The following FIGN variants were observed in gnomAD, a reference collection of about 807,000 sequenced individuals.
The protein encoded by FIGN is fidgetin.
A neutral mutation model predicts 51.3 loss-of-function variants in FIGN; 11 were observed. The observed-to-expected ratio is 0.21, with a 90% CI of 0.13 to 0.35. The LOEUF (loss-of-function observed/expected upper bound fraction) is 0.35. FIGN is among the 10% of genes least tolerant of loss of function. FIGN has a pLI of 1.00. For synonymous variants in FIGN, 407 were observed against 363.2 expected, an observed-to-expected ratio of 1.12 and a Z score of -1.37; for missense variants, 857 against 943.6, an observed-to-expected ratio of 0.91 and a Z score of 1.20.
At chr2:163,710,417 T>C (rs1684569150) in intron 2 of FIGN, among the ~76,000 whole-genome samples, 2 of 152,196 alleles carry the variant, frequency 1.3e-5, no homozygotes, top group South Asian at 4.1e-4. Flanking sequence ...TAAATGCCCT[T>C]CCTCCACAGC....
intron 2 of FIGN, among the ~76,000 whole-genome samples, chr2:163,714,447 G>T (rs1439206734): frequency 6.6e-6 from 1 of 152,122 alleles, no homozygotes; most frequent in Non-Finnish European, 1.5e-5. Context: ...CAAAAAAGAG[G>T]CAATGCAAAG....
At chr2:163,711,245 C>G (rs1284929957) in intron 2 of FIGN, among the ~76,000 whole-genome samples, 3 of 152,062 alleles carry the variant, frequency 2.0e-5, no homozygotes, top group African/African-American at 7.2e-5. Flanking sequence ...AAAATCAATA[C>G]CATTTGTCCA....
intron 2 of FIGN, among the ~76,000 whole-genome samples, chr2:163,718,631 GA>G (rs1684705955): frequency 1.3e-5 from 2 of 152,082 alleles, no homozygotes; most frequent in Non-Finnish European, 2.9e-5. Flanking sequence ...TCTCCCTGAT[GA>G]AAAATCCAGT....
At position 163,635,439 on chromosome 2, in the gene FIGN, G is replaced by A. The variant is rs1448413997; in HGVS notation, c.26-23633C>T. On this transcript the variant is annotated intron_variant, in intron 2 of 2. Coordinates refer to ENST00000333129, the MANE Select transcript of FIGN (RefSeq NM_018086.4). ...TTAAAAATTAGCCAGGTATGGTGGC[G>A]CATGCCTGCAGTCTCATTTATTCAA... 4.6e-5 allele frequency among the ~76,000 whole-genome samples: 7 copies of A among 152,080 alleles called. No homozygotes were observed. The South Asian group carries it at 6.2e-4, about 13-fold the overall frequency.
At chr2:163,694,186 G>A (rs1437405627) in intron 2 of FIGN, among the ~76,000 whole-genome samples, 1 of 152,206 alleles carries the variant, frequency 6.6e-6, no homozygotes. Flanking sequence ...ATGCTCACCA[G>A]AGACAACAGC....
intron 2 of FIGN, among the ~76,000 whole-genome samples, chr2:163,726,006 G>A (rs1684833196): frequency 6.6e-6 from 1 of 152,024 alleles, no homozygotes; most frequent in African/African-American, 2.4e-5. Context: ...TGATATCGAT[G>A]ATTGGTTGAT....
intron 2 of FIGN, among the ~76,000 whole-genome samples, chr2:163,654,756 T>C (rs1282780693): frequency 6.6e-6 from 1 of 152,048 alleles, no homozygotes; most frequent in Non-Finnish European, 1.5e-5. Context: ...ATACTAGAGG[T>C]GAAGGATACC....
rs1033273066 is a variant in FIGN at position 163,604,180 on chromosome 2, T to C, written c.*5372A>G. 6.6e-6 allele frequency: 1 copy of C among 152,154 alleles called. No individual in the cohort carries two copies. Among genetic ancestry groups the C allele is most frequent in the Non-Finnish European group, 1.5e-5 (1 of 67,976 alleles). 9.4% of individuals were successfully genotyped at this position (152,154 alleles called of 1,614,324 possible). A position where few individuals can be genotyped will look rare whatever the true frequency, so the allele number is the denominator to read the frequency against. On this transcript the variant is annotated 3_prime_UTR_variant, in exon 3 of 3. Transcript: ENST00000333129. ...AAGACTATAGTTGAAAATAGTTAAG[T>C]ACCATTATTTCTCTTAAATTTAGGA... is the stretch of plus-strand genomic sequence containing the variant.
chr2:163,726,022 C>T (rs1018510605), intron 2 of FIGN, among the ~76,000 whole-genome samples: 3 of 152,008 alleles, frequency 2.0e-5, no homozygotes, highest in Non-Finnish European at 4.4e-5. Flanking sequence ...TTGATTAGTA[C>T]TCTTAGAATT....
In FIGN at chr2:163,735,038, G is replaced by T; in HGVS notation, c.-111C>A. ...CTCAGCTATCAAATGTCACTGCCTT[G>T]AAACGTGGGCCCTTTCGTCAGGTAT... On this transcript the variant is annotated 5_prime_UTR_variant, in exon 2 of 3. Coordinates refer to ENST00000333129, the MANE Select transcript of FIGN (RefSeq NM_018086.4). 1 of 1,079,300 alleles carries T rather than the reference G, an allele frequency of 9.3e-7. No homozygotes were observed. The allele number at this position is 1,079,300 out of a possible 1,614,324, so 66.9% of individuals were successfully genotyped here. A position where few individuals can be genotyped will look rare whatever the true frequency, so the allele number is the denominator to read the frequency against.
intron 2 of FIGN, among the ~76,000 whole-genome samples, chr2:163,690,677 G>A (rs1246337677): frequency 6.6e-6 from 1 of 152,048 alleles, no homozygotes; most frequent in Non-Finnish European, 1.5e-5. Context: ...GTAATCTAGA[G>A]AAGTAAAAGT....
intron 2 of FIGN, among the ~76,000 whole-genome samples, chr2:163,633,758 T>C (rs2105312368): frequency 6.6e-6 from 1 of 152,316 alleles, no homozygotes; most frequent in South Asian, 2.1e-4. Context: ...TTCTTGTTTA[T>C]GACTCCTAAG....
intron 2 of FIGN, among the ~76,000 whole-genome samples, chr2:163,667,060 T>C (rs1436330216): frequency 6.6e-6 from 1 of 152,074 alleles, no homozygotes; most frequent in Non-Finnish European, 1.5e-5. Context: ...CTTTCTGTAT[T>C]CTCTATTTTT....
intron 2 of FIGN, among the ~76,000 whole-genome samples, chr2:163,694,366 C>A (rs1178770869): frequency 6.6e-6 from 1 of 152,172 alleles, no homozygotes; most frequent in Non-Finnish European, 1.5e-5. Flanking sequence ...CTTCAATATT[C>A]ATAATACCTA....
At chr2:163,707,839 C>A (rs897441720) in intron 2 of FIGN, among the ~76,000 whole-genome samples, 7 of 152,006 alleles carry the variant, frequency 4.6e-5, no homozygotes, top group African/African-American at 1.7e-4. Context: ...ACATATTTAA[C>A]AGAGATACTA....
At chr2:163,718,289 G>C (rs1031632660) in intron 2 of FIGN, among the ~76,000 whole-genome samples, 1 of 152,160 alleles carries the variant, frequency 6.6e-6, no homozygotes, top group Non-Finnish European at 1.5e-5. Context: ...CCATTTGCAT[G>C]ATGCTGCCTC....
chr2:163,654,512 A>C (rs1472725415), intron 2 of FIGN, among the ~76,000 whole-genome samples: 1 of 152,154 alleles, frequency 6.6e-6, no homozygotes, highest in Non-Finnish European at 1.5e-5. Flanking sequence ...CTCTGATCCC[A>C]CTTTCATTCC....
intron 2 of FIGN, among the ~76,000 whole-genome samples, chr2:163,682,899 C>T (rs894464163): frequency 6.6e-6 from 1 of 152,186 alleles, no homozygotes; most frequent in Admixed American, 6.5e-5. Flanking sequence ...GTCACTTAAC[C>T]TCTTTGAGCC....
At chr2:163,684,098 TC>T (rs1684108307) in intron 2 of FIGN, among the ~76,000 whole-genome samples, 1 of 152,178 alleles carries the variant, frequency 6.6e-6, no homozygotes, top group African/African-American at 2.4e-5. Flanking sequence ...ATGCTATACT[TC>T]AAGAGTTTTT....
Sources: gnomAD v4.1 joint callset for allele counts (sites outside exome capture counted in the v4.1 genomes callset) on GRCh38, gnomAD v4.1.1 for gene constraint, MANE v1.5 for transcripts, NCBI Gene and HGNC (gene_info 2026-07-23, HGNC 2026-07-21) for gene names.